The following CCDC122 variants were observed in gnomAD, a reference collection of about 807,000 sequenced individuals.
The protein encoded by CCDC122 is coiled-coil domain containing 122.
A neutral mutation model predicts 37.0 loss-of-function variants in CCDC122; 38 were observed. That is an observed-to-expected ratio of 1.03 (90% CI 0.79 to 1.35). The LOEUF is 1.35. Ranked by LOEUF, CCDC122 falls within the 40% of genes most tolerant of loss-of-function variation. CCDC122 has a pLI of 0.00. For synonymous variants in CCDC122, 83 were observed against 95.6 expected (o/e 0.87, Z 0.77); for missense variants, 305 against 310.0 (o/e 0.98, Z 0.12).
rs996362189 is a variant in CCDC122, at chr13:43,858,879, T to C, written c.574A>G (p.Lys192Glu). The change falls in exon 6 of 7, where the codon AAG (lysine) becomes GAG (glutamate). Residue 192 changes from lysine to glutamate, a missense_variant. Transcript: ENST00000444614. ...TCTTTTACAGTTATAATTTTATCCTTTAAGTTTGTAATGTCTTCCTGTATG... is the reference window on the plus strand; with the variant it reads ...TCTTTTACAGTTATAATTTTATCCTCTAAGTTTGTAATGTCTTCCTGTATG... ...TQVQEDITNL[K>E]DKIITVKESI... The C allele has an allele frequency of 1.4e-6, 2 of 1,405,678 alleles. No homozygotes were observed. The highest frequency in any genetic ancestry group is 1.9e-6 in the Non-Finnish European group (2 of 1,047,268). The allele number at this position is 1,405,678 out of a possible 1,614,324, so 87.1% of individuals were successfully genotyped here.
chr13:43,843,032 G>C (rs1473054283), intron 6 of CCDC122, among the ~76,000 whole-genome samples: 3 of 151,706 alleles, frequency 2.0e-5, no homozygotes, highest in Non-Finnish European at 4.4e-5. Context: ...TTATAACATT[G>C]ATTAGGACCT....
intron 4 of CCDC122, among the ~76,000 whole-genome samples, chr13:43,866,167 T>C (rs1170004429): frequency 1.3e-5 from 2 of 152,214 alleles, no homozygotes; most frequent in Non-Finnish European, 2.9e-5. Context: ...CAATTTTAAA[T>C]TTACAAATTG....
chr13:43,819,475 C>T (rs1458129358), downstream of CCDC122, among the ~76,000 whole-genome samples: 3 of 152,062 alleles, frequency 2.0e-5, no homozygotes, highest in African/African-American at 7.2e-5. Context: ...CCATGGACAT[C>T]CATTAGAATG....
chr13:43,878,646 TC>T (rs1414989505), intron 1 of CCDC122, among the ~76,000 whole-genome samples: 2 of 152,242 alleles, frequency 1.3e-5, no homozygotes, highest in African/African-American at 2.4e-5. Context: ...GGATATTTTT[TC>T]CCTTTACCAT....
downstream of CCDC122, among the ~76,000 whole-genome samples, chr13:43,823,494 G>T (rs1475145378): frequency 6.6e-6 from 1 of 152,198 alleles, no homozygotes; most frequent in African/African-American, 2.4e-5. Flanking sequence ...CAGGATCTAA[G>T]GCCAGCCCAG....
intron 2 of CCDC122, among the ~76,000 whole-genome samples, chr13:43,872,174 G>A (rs577243303): frequency 2.2e-4 from 34 of 151,702 alleles, no homozygotes; most frequent in East Asian, 5.8e-4. Context: ...GTTTAACCCC[G>A]CAAGACTTCC....
chr13:43,837,735 T>A (rs1480492233), intron 6 of CCDC122, among the ~76,000 whole-genome samples: 1 of 152,114 alleles, frequency 6.6e-6, no homozygotes, highest in Non-Finnish European at 1.5e-5. Flanking sequence ...TTGACCAAAG[T>A]TTCATAGCTA....
At position 43,868,699 on chromosome 13, in the gene CCDC122, A is replaced by G; in HGVS notation, c.151T>C (p.Leu51=). 1 of 1,536,706 alleles carries G rather than the reference A, an allele frequency of 6.5e-7. No homozygotes were observed. The highest frequency in any genetic ancestry group is 8.8e-7 in the Non-Finnish European group (1 of 1,139,004). The change falls in exon 4 of 7, where the codon TTG becomes CTG. Residue 51 remains leucine (L), a synonymous_variant. Transcript: ENST00000444614. The part of the protein sequence containing the change: ...IEKNKKVLFN[L]KNELHELEKE... ...AGACTATATAAAGAAGTTACCTTCA[A>G]ATTGAACAGAACCTTTTTGTTTTTT...
chr13:43,852,300 T>C (rs1040367463), intron 6 of CCDC122, among the ~76,000 whole-genome samples: 3 of 152,030 alleles, frequency 2.0e-5, no homozygotes, highest in Admixed American at 2.0e-4. Context: ...AGTGACCTGA[T>C]AGAGCTGAAA....
intron 3 of CCDC122, among the ~76,000 whole-genome samples, chr13:43,830,418 G>A (rs935686340): frequency 6.6e-6 from 1 of 152,162 alleles, no homozygotes; most frequent in Non-Finnish European, 1.5e-5. Flanking sequence ...ATTCTTGAGC[G>A]AGTGATTTAT....
At chr13:43,861,156 T>C (rs933561460) in intron 4 of CCDC122, among the ~76,000 whole-genome samples, 1 of 152,212 alleles carries the variant, frequency 6.6e-6, no homozygotes, top group Admixed American at 6.5e-5. Context: ...AGGGGTGTCT[T>C]GGCTTTGCTT....
At chr13:43,842,529 G>C (rs925035488) in intron 6 of CCDC122, among the ~76,000 whole-genome samples, 1 of 150,034 alleles carries the variant, frequency 6.7e-6, no homozygotes, top group South Asian at 2.1e-4. Flanking sequence ...GCGTTTTCAC[G>C]TAAATTTTAA....
intron 4 of CCDC122, among the ~76,000 whole-genome samples, chr13:43,866,235 GAAACTGCAAAAACA>G (rs1382650138): frequency 4.6e-5 from 7 of 152,156 alleles, no homozygotes; most frequent in Admixed American, 4.6e-4. Context: ...GTGGGTAACT[GAAACTGCAAAAACA>G]AAACTGCAAA....
chr13:43,846,752 C>A (rs1435489489), intron 6 of CCDC122, among the ~76,000 whole-genome samples: 2 of 152,100 alleles, frequency 1.3e-5, no homozygotes, highest in African/African-American at 4.8e-5. Flanking sequence ...AATTTTATCC[C>A]TCGTGTGTGC....
intron 6 of CCDC122, among the ~76,000 whole-genome samples, chr13:43,846,231 C>T (rs1293670871): frequency 1.3e-5 from 2 of 152,058 alleles, no homozygotes; most frequent in African/African-American, 4.8e-5. Flanking sequence ...CCCGCCACCA[C>T]GCCCGGCTAA....
At chr13:43,876,387 T>C (rs991806886) in intron 1 of CCDC122, among the ~76,000 whole-genome samples, 1 of 152,218 alleles carries the variant, frequency 6.6e-6, no homozygotes, top group African/African-American at 2.4e-5. Flanking sequence ...TAAAAATGTC[T>C]GGTGAGTTCT....
At chr13:43,879,232 C>A (rs1200817062) in intron 1 of CCDC122, 2 of 152,612 alleles carry the variant, frequency 1.3e-5, no homozygotes. Context: ...CCGCCGTTCC[C>A]GCCGCCCGGC....
rs118123637 is a variant in CCDC122, at chr13:43,877,293, T to C, written c.-200+2338A>G. 9.9e-3 allele frequency among the ~76,000 whole-genome samples: 1,511 copies of C among 152,306 alleles called. 7 individuals are homozygous for C. The highest frequency in any genetic ancestry group is 0.024 in the Middle Eastern group (7 of 292). On this transcript the variant is annotated intron_variant, in intron 1 of 6. Coordinates refer to ENST00000444614, the MANE Select transcript of CCDC122 (RefSeq NM_144974.5). ...CTACATGCAAAGAAAAGGTCTTGGA[T>C]CTTCTCAATAGATGGGCAAATGAAC... is the stretch of plus-strand genomic sequence containing the variant.
chr13:43,868,603 T>A, intron 4 of CCDC122, 91 bp downstream of exon 4: 1 of 631,144 alleles, frequency 1.6e-6, no homozygotes, highest in Non-Finnish European at 2.5e-6. Flanking sequence ...ACTTTAAAAG[T>A]GACTCCCAAT....
Sources: allele counts gnomAD v4.1 joint callset (sites outside exome capture counted in the v4.1 genomes callset), GRCh38; gene constraint gnomAD v4.1.1; transcripts MANE v1.5; gene names NCBI Gene and HGNC (gene_info 2026-07-23, HGNC 2026-07-21).